The following OCIAD1 variants were observed in gnomAD, a reference collection of about 807,000 sequenced individuals.
OCIAD1 encodes the protein OCIA domain containing 1.
In OCIAD1, 29 loss-of-function variants were observed where a neutral mutation model predicts 38.9. The ratio of observed to expected loss-of-function variants is 0.74; its 90% CI spans 0.55 to 1.02. The LOEUF is 1.02. OCIAD1 is among the 50% of genes least tolerant of loss of function. OCIAD1 has a pLI of 0.00. For synonymous variants in OCIAD1, 110 were observed against 92.0 expected, an observed-to-expected ratio of 1.20 and a Z score of -1.12; for missense variants, 288 against 289.6, an observed-to-expected ratio of 0.99 and a Z score of 0.04.
rs1006185324 is a variant in OCIAD1, at chr4:48,857,442, A to C, written c.700+77A>C. 3.6e-6 allele frequency: 3 copies of C among 840,264 alleles called. No individual in the cohort carries two copies. In the African/African-American group the frequency reaches 5.4e-5, roughly 15 times the overall value. The allele number at this position is 840,264 out of a possible 1,614,324, so 52.1% of individuals were successfully genotyped here. ...CATTACTTTAAAACAATACTATAAA[A>C]AATTAATTAATATGTGATTTAACTC... On this transcript the variant is annotated intron_variant, in intron 8 of 8. Coordinates refer to ENST00000264312, the MANE Select transcript of OCIAD1 (RefSeq NM_017830.4).
At chr4:48,824,453 T>A (rs1360709482) in intron 1 of OCIAD1, among the ~76,000 whole-genome samples, 1 of 152,086 alleles carries the variant, frequency 6.6e-6, no homozygotes, top group African/African-American at 2.4e-5. Context: ...CAATCATAGC[T>A]CACTGCAACC....
chr4:48,805,943 C>T (rs1166314902), intron 1 of OCIAD1, among the ~76,000 whole-genome samples: 21 of 152,040 alleles, frequency 1.4e-4, no homozygotes, highest in African/African-American at 2.9e-4. Context: ...GTTTCATGTC[C>T]GGCTTCTTTA....
chr4:48,832,777 G>T lies in OCIAD1; in HGVS notation c.58+95G>T, dbSNP rs1267727201. The T allele has an allele frequency of 2.4e-5, 21 of 876,490 alleles. 1 individual carries two copies. The South Asian group carries it at 2.8e-4, about 12-fold the overall frequency. 54.3% of individuals were successfully genotyped at this position (876,490 alleles called of 1,614,324 possible). On this transcript the variant is annotated intron_variant, in intron 2 of 8. Transcript: ENST00000264312. The stretch of plus-strand genomic sequence containing the variant: ...ACAGTGGCAGGTGGGCTGGCTTCAT[G>T]GGCATGTGCAGACAGCGCCCCATAC...
In OCIAD1 at chr4:48,860,726, C is replaced by G. The variant is rs2109641350; in HGVS notation, c.702C>G (p.Val234=). ...CAATTATTTATGCTTTTTTCCTAGT[C>G]AAAGTAAACAAGTATGGAGATACTT... ...PMHERVPKKE[V]KVNKYGDTWD... is the part of the protein sequence containing the mutation. The change falls in exon 9 of 9, where the codon GTC becomes GTG. Residue 234 remains valine (V), a splice_region_variant and synonymous_variant. Coordinates refer to ENST00000264312, the MANE Select transcript of OCIAD1 (RefSeq NM_017830.4). The G allele has an allele frequency of 6.3e-7, 1 of 1,593,390 alleles. No homozygotes were observed. Among genetic ancestry groups the G allele is most frequent in the Middle Eastern group, 1.7e-4 (1 of 6,020 alleles).
chr4:48,840,127 A>G (rs933323484), intron 3 of OCIAD1, among the ~76,000 whole-genome samples: 1 of 152,250 alleles, frequency 6.6e-6, no homozygotes, highest in African/African-American at 2.4e-5. Context: ...ATTCCTTTAT[A>G]GCATGAGAAG....
chr4:48,856,848 A>G (rs1362291591), intron 7 of OCIAD1: 5 of 153,528 alleles, frequency 3.3e-5, no homozygotes, highest in Admixed American at 6.5e-5. Context: ...AGTAGAATAT[A>G]TTTCTCTTTT....
chr4:48,831,172 C>G lies in OCIAD1; in HGVS notation c.-83C>G, dbSNP rs142434498. 7.7e-5 allele frequency: 25 copies of G among 323,488 alleles called. No homozygotes were observed. The highest frequency in any genetic ancestry group is 4.1e-4 in the African/African-American group (19 of 46,318). 20.0% of individuals were successfully genotyped at this position (323,488 alleles called of 1,614,324 possible). On this transcript the variant is annotated 5_prime_UTR_variant, in exon 1 of 9. Transcript: ENST00000264312. ...TTGCACTTTTCTCCCTCCCTGCCCC[C>G]TCTCGAGTCCACCCTCCGGGCCTTC...
intron 3 of OCIAD1, chr4:48,837,278 T>G (rs1560421776): frequency 6.9e-6 from 1 of 145,308 alleles, no homozygotes. Flanking sequence ...TTTTTTTTTG[T>G]TTTTTTTTCT....
At chr4:48,816,934 C>A in intron 1 of OCIAD1, among the ~76,000 whole-genome samples, 1 of 152,202 alleles carries the variant, frequency 6.6e-6, no homozygotes, top group Non-Finnish European at 1.5e-5. Flanking sequence ...TGGGCCACTG[C>A]ACTCCAGCCT....
chr4:48,806,412 AT>A (rs1363230340), intron 1 of OCIAD1, among the ~76,000 whole-genome samples: 6 of 151,488 alleles, frequency 4.0e-5, no homozygotes, highest in Admixed American at 2.0e-4. Context: ...CACTTTTATG[AT>A]TTTTTTTTCT....
At chr4:48,832,779 G>A in intron 2 of OCIAD1, 97 bp downstream of exon 2, 1 of 854,336 alleles carries the variant, frequency 1.2e-6, no homozygotes. Flanking sequence ...GGCTTCATGG[G>A]CATGTGCAGA....
intron 8 of OCIAD1, 41 bp downstream of exon 8, chr4:48,857,406 G>A: frequency 4.5e-6 from 6 of 1,338,664 alleles, no homozygotes; most frequent in South Asian, 3.5e-5. Flanking sequence ...GTTGAGGATT[G>A]GAAACTAAAA....
At chr4:48,851,765 A>G (rs781286068) in intron 6 of OCIAD1, 41 bp from the exon 7 acceptor site, 19 of 1,161,204 alleles carry the variant, frequency 1.6e-5, no homozygotes, top group Non-Finnish European at 1.8e-5. Flanking sequence ...GATATAGGCA[A>G]TGACTCATAT....
chr4:48,850,800 C>G (rs944215775), intron 6 of OCIAD1, among the ~76,000 whole-genome samples: 27 of 152,138 alleles, frequency 1.8e-4, no homozygotes, highest in Admixed American at 6.5e-5. Context: ...GTCTCAAACT[C>G]CTGAGCTCAA....
intron 3 of OCIAD1, among the ~76,000 whole-genome samples, chr4:48,840,785 C>T (rs1188226651): frequency 6.9e-6 from 1 of 143,990 alleles, no homozygotes; most frequent in Non-Finnish European, 1.5e-5. Context: ...TTACTTGAAC[C>T]AAGGAGATCG....
chr4:48,806,184 T>C (rs1777021735), intron 1 of OCIAD1, among the ~76,000 whole-genome samples: 1 of 152,112 alleles, frequency 6.6e-6, no homozygotes, highest in African/African-American at 2.4e-5. Context: ...GGAGAATCGC[T>C]TGAACCCGGG....
At chr4:48,850,823 A>G (rs1779386455) in intron 6 of OCIAD1, among the ~76,000 whole-genome samples, 1 of 152,056 alleles carries the variant, frequency 6.6e-6, no homozygotes, top group Non-Finnish European at 1.5e-5. Context: ...GATCTGCCCC[A>G]CTTGGCCTCC....
intron 3 of OCIAD1, among the ~76,000 whole-genome samples, chr4:48,838,919 G>T (rs558268211): frequency 6.6e-6 from 1 of 152,158 alleles, no homozygotes; most frequent in Admixed American, 6.5e-5. Flanking sequence ...TTAAAATCGT[G>T]ACCCTATGCA....
chr4:48,832,079 TG>T (rs1777557557), intron 1 of OCIAD1, among the ~76,000 whole-genome samples: 1 of 152,266 alleles, frequency 6.6e-6, no homozygotes, highest in Non-Finnish European at 1.5e-5. Context: ...CAGAATTTGC[TG>T]TTAGTTTTAC....
Sources: allele counts gnomAD v4.1 joint callset (sites outside exome capture counted in the v4.1 genomes callset), GRCh38; gene constraint gnomAD v4.1.1; transcripts MANE v1.5; gene names NCBI Gene and HGNC (gene_info 2026-07-23, HGNC 2026-07-21).